Variants in MMD observed in about 807,000 individuals in gnomAD.
MMD encodes the protein monocyte to macrophage differentiation associated.
A neutral mutation model predicts 33.6 loss-of-function variants in MMD; 22 were observed. That is an observed-to-expected ratio of 0.66 (90% CI 0.47 to 0.94). The LOEUF (loss-of-function observed/expected upper bound fraction) is 0.94, where lower values mean the gene tolerates loss of function less well. Among genes scored for constraint, MMD ranks in the 40% least tolerant of loss-of-function variants. The pLI, the probability that MMD is intolerant of heterozygous loss-of-function variation, is 0.00. For missense variants in MMD, 242 were observed against 309.8 expected (o/e 0.78, Z 1.64); for synonymous variants, 97 against 103.2 (o/e 0.94, Z 0.36).
In MMD at chr17:55,417,401, C is replaced by T. The variant is rs142415897; in HGVS notation, c.27-3169G>A. Reference sequence around the variant, plus strand: ...CCTACCTTAAATAAAGACCTAACATCTCAGGTCTGTACAAATACAAAGTCT... The same window carrying T: ...CCTACCTTAAATAAAGACCTAACATTTCAGGTCTGTACAAATACAAAGTCT... On this transcript the variant is annotated intron_variant, in intron 1 of 6. Transcript: ENST00000262065. 3.9e-5 allele frequency among the ~76,000 whole-genome samples: 6 copies of T among 152,170 alleles called. No individual in the cohort carries two copies. In the East Asian group the frequency reaches 7.7e-4, roughly 20 times the overall value.
intron 1 of MMD, among the ~76,000 whole-genome samples, chr17:55,418,030 T>C (rs1252719594): frequency 6.6e-6 from 1 of 152,148 alleles, no homozygotes; most frequent in East Asian, 1.9e-4. Context: ...CACATCAAGG[T>C]TGTGTCTGCC....
intron 4 of MMD, among the ~76,000 whole-genome samples, chr17:55,405,301 C>G (rs999161800): frequency 4.7e-5 from 7 of 149,752 alleles, no homozygotes. Context: ...ACCCAGGAGG[C>G]AGAGGTTGCG....
At chr17:55,418,024 T>C (rs1208987443) in intron 1 of MMD, among the ~76,000 whole-genome samples, 1 of 152,160 alleles carries the variant, frequency 6.6e-6, no homozygotes, top group Admixed American at 6.5e-5. Flanking sequence ...CTTAAACACA[T>C]CAAGGTTGTG....
intron 4 of MMD, among the ~76,000 whole-genome samples, chr17:55,407,049 C>T (rs1907577102): frequency 6.6e-6 from 1 of 151,878 alleles, no homozygotes; most frequent in Admixed American, 6.6e-5. Flanking sequence ...AAAAAATAGG[C>T]CGGGCACGGT....
chr17:55,403,106 G>T (rs892576991), intron 5 of MMD, among the ~76,000 whole-genome samples: 1 of 152,302 alleles, frequency 6.6e-6, no homozygotes, highest in Middle Eastern at 3.4e-3. Context: ...CTAATTTCCA[G>T]ATGAGTCACT....
intron 1 of MMD, chr17:55,420,110 G>C (rs1233267894): frequency 6.6e-6 from 1 of 152,136 alleles, no homozygotes; most frequent in African/African-American, 2.4e-5. Context: ...CTTTTTAGAG[G>C]ATCCAAAGGT....
chr17:55,414,639 A>T (rs890099384), intron 1 of MMD, among the ~76,000 whole-genome samples: 12 of 151,302 alleles, frequency 7.9e-5, no homozygotes. Flanking sequence ...TCTAAATTTT[A>T]TTGTCATTTA....
In MMD at chr17:55,421,820, C is replaced by A. The variant is rs1014155315; in HGVS notation, c.-125G>T. The stretch of plus-strand genomic sequence containing the variant: ...TGCGTGTCCAGCGGAACCCTTCGGC[C>A]GGGTAGGGTCGGAGTGGGCCAGGCC... On this transcript the variant is annotated 5_prime_UTR_variant, in exon 1 of 7. Transcript: ENST00000262065. 8 of 933,980 alleles carry A rather than the reference C, an allele frequency of 8.6e-6. No individual in the cohort carries two copies. Among genetic ancestry groups the A allele is most frequent in the Non-Finnish European group, 1.1e-5 (8 of 712,862 alleles). The allele number at this position is 933,980 out of a possible 1,614,324, so 57.9% of individuals were successfully genotyped here.
At chr17:55,401,676 A>G in intron 5 of MMD, 138 bp from the exon 6 acceptor site, 1 of 641,064 alleles carries the variant, frequency 1.6e-6, no homozygotes, top group South Asian at 2.5e-5. Context: ...ATTTCTCAGT[A>G]GGCAACCACT....
At chr17:55,402,255 G>A (rs1403442051) in intron 5 of MMD, among the ~76,000 whole-genome samples, 1 of 152,136 alleles carries the variant, frequency 6.6e-6, no homozygotes, top group Non-Finnish European at 1.5e-5. Flanking sequence ...GAAGATGAAT[G>A]GAGATGCAGC....
intron 6 of MMD, among the ~76,000 whole-genome samples, chr17:55,395,106 A>G (rs762755987): frequency 3.6e-4 from 55 of 152,342 alleles, no homozygotes; most frequent in South Asian, 4.1e-4. Flanking sequence ...ATAGTACAAG[A>G]TATTTCCTAG....
chr17:55,408,603 G>C (rs1046011312), intron 3 of MMD, among the ~76,000 whole-genome samples: 3 of 152,072 alleles, frequency 2.0e-5, no homozygotes, highest in Non-Finnish European at 4.4e-5. Context: ...GTCCAAGTAG[G>C]TATAACTATA....
At chr17:55,416,050 G>A (rs758007043) in intron 1 of MMD, among the ~76,000 whole-genome samples, 2 of 152,196 alleles carry the variant, frequency 1.3e-5, no homozygotes, top group Non-Finnish European at 2.9e-5. Context: ...AAGAATTGGA[G>A]GATATACCAC....
chr17:55,401,791 C>T (rs540216533), intron 5 of MMD, among the ~76,000 whole-genome samples: 4 of 152,188 alleles, frequency 2.6e-5, no homozygotes, highest in South Asian at 2.1e-4. Context: ...TGTTTTCTGC[C>T]GGCCGGGCAC....
At chr17:55,402,015 C>A (rs2143128348) in intron 5 of MMD, among the ~76,000 whole-genome samples, 2 of 134,158 alleles carry the variant, frequency 1.5e-5, no homozygotes, top group South Asian at 4.9e-4. Flanking sequence ...ACCCGGGAGG[C>A]GGGGCTTGCA....
At chr17:55,412,485 G>A (rs1021888597) in intron 2 of MMD, among the ~76,000 whole-genome samples, 2 of 152,204 alleles carry the variant, frequency 1.3e-5, no homozygotes, top group Non-Finnish European at 2.9e-5. Context: ...ATATGTGTAT[G>A]ACTATGACTA....
chr17:55,403,083 G>A (rs1007987871), intron 5 of MMD, among the ~76,000 whole-genome samples: 7 of 152,078 alleles, frequency 4.6e-5, no homozygotes, highest in African/African-American at 1.7e-4. Flanking sequence ...ATCAGAACTT[G>A]GATGTTTGGG....
At chr17:55,418,092 GCTCAGCT>G (rs1908040175) in intron 1 of MMD, among the ~76,000 whole-genome samples, 1 of 152,194 alleles carries the variant, frequency 6.6e-6, no homozygotes, top group African/African-American at 2.4e-5. Flanking sequence ...TCTCCAGAAT[GCTCAGCT>G]CTCTTCTCAT....
At chr17:55,413,170 G>C (rs908930692) in intron 2 of MMD, among the ~76,000 whole-genome samples, 1 of 152,156 alleles carries the variant, frequency 6.6e-6, no homozygotes, top group Non-Finnish European at 1.5e-5. Flanking sequence ...AAGGTAAGCT[G>C]TGTGTTTCAA....
Sources: gnomAD v4.1 joint callset for allele counts (sites outside exome capture counted in the v4.1 genomes callset) on GRCh38, gnomAD v4.1.1 for gene constraint, MANE v1.5 for transcripts, NCBI Gene and HGNC (gene_info 2026-07-23, HGNC 2026-07-21) for gene names.